The following MARCHF4 variants were observed in gnomAD, a reference collection of about 807,000 sequenced individuals.
MARCHF4 encodes the protein E3 ubiquitin-protein ligase MARCHF4.
In MARCHF4, 14 loss-of-function variants were observed where a neutral mutation model predicts 43.9. The observed-to-expected ratio is 0.32, with a 90% CI of 0.21 to 0.50. MARCHF4 has a LOEUF of 0.50. Among genes scored for constraint, MARCHF4 ranks in the 20% least tolerant of loss-of-function variants. The pLI, the probability that MARCHF4 is intolerant of heterozygous loss-of-function variation, is 0.98. For missense variants in MARCHF4, 468 were observed against 536.7 expected, an observed-to-expected ratio of 0.87 and a Z score of 1.27; for synonymous variants, 226 against 213.3, an observed-to-expected ratio of 1.06 and a Z score of -0.52.
chr2:216,355,340 G>C (rs1559106824), intron 1 of MARCHF4, among the ~76,000 whole-genome samples: 1 of 152,058 alleles, frequency 6.6e-6, no homozygotes, highest in Non-Finnish European at 1.5e-5. Flanking sequence ...ACATATAAAA[G>C]TAGAGAGAAA....
In MARCHF4 at chr2:216,259,210, C is replaced by T. The variant is rs1690700040; in HGVS notation, c.*102G>A. ...CAGGGCTCCCGCCAGGTCCCCCACC[C>T]TCTGCCTGCTCCCTCTGTTGGCTCT... On this transcript the variant is annotated 3_prime_UTR_variant, in exon 4 of 4. Transcript: ENST00000273067. 7 of 1,480,538 alleles carry T rather than the reference C, an allele frequency of 4.7e-6. No homozygotes were observed. The highest frequency in any genetic ancestry group is 3.6e-6 in the Non-Finnish European group (4 of 1,119,520). 91.7% of individuals were successfully genotyped at this position (1,480,538 alleles called of 1,614,324 possible). A position where few individuals can be genotyped will look rare whatever the true frequency, so the allele number is the denominator to read the frequency against.
chr2:216,312,933 A>G (rs756198955), intron 1 of MARCHF4, among the ~76,000 whole-genome samples: 1 of 151,750 alleles, frequency 6.6e-6, no homozygotes. Flanking sequence ...TGCTTTTGGG[A>G]TCTTCATTGT....
intron 2 of MARCHF4, among the ~76,000 whole-genome samples, chr2:216,278,695 G>A (rs1478565679): frequency 3.9e-5 from 6 of 152,196 alleles, no homozygotes; most frequent in Non-Finnish European, 4.4e-5. Flanking sequence ...ACGAGAGAAT[G>A]AGATGTGGGG....
intron 1 of MARCHF4, among the ~76,000 whole-genome samples, chr2:216,356,667 CT>C (rs371467064): frequency 6.8e-4 from 103 of 152,266 alleles, no homozygotes; most frequent in Middle Eastern, 6.8e-3. Flanking sequence ...AGCCTCTTCC[CT>C]TTTAAGTTAT....
chr2:216,324,868 G>A (rs1405607688), intron 1 of MARCHF4, among the ~76,000 whole-genome samples: 1 of 143,712 alleles, frequency 7.0e-6, no homozygotes. Context: ...ATACTGAATG[G>A]GCAAAAACTG....
intron 3 of MARCHF4, among the ~76,000 whole-genome samples, chr2:216,272,372 T>C (rs1452265012): frequency 6.6e-6 from 1 of 152,114 alleles, no homozygotes; most frequent in Non-Finnish European, 1.5e-5. Flanking sequence ...ACCCTGAATA[T>C]AGGACAGGAG....
chr2:216,290,521 G>A (rs1163291535), intron 1 of MARCHF4, among the ~76,000 whole-genome samples: 1 of 152,216 alleles, frequency 6.6e-6, no homozygotes, highest in East Asian at 1.9e-4. Flanking sequence ...GCATTTGTGA[G>A]TGAGATGGGC....
chr2:216,286,321 T>G (rs189625843), intron 1 of MARCHF4, among the ~76,000 whole-genome samples: 40 of 152,176 alleles, frequency 2.6e-4, no homozygotes, highest in African/African-American at 8.7e-4. Flanking sequence ...GGTGAATCAC[T>G]TGAGGTCAGG....
intron 1 of MARCHF4, 143 bp downstream of exon 1, chr2:216,369,602 A>G (rs967672630): frequency 1.4e-5 from 9 of 655,452 alleles, no homozygotes; most frequent in African/African-American, 7.4e-5. Context: ...AAACTTAACC[A>G]CAAGAAACAT....
At chr2:216,320,152 CATT>C (rs1691856315) in intron 1 of MARCHF4, among the ~76,000 whole-genome samples, 1 of 152,166 alleles carries the variant, frequency 6.6e-6, no homozygotes, top group Non-Finnish European at 1.5e-5. Context: ...ATAAGGGACT[CATT>C]ATTAAACAAA....
chr2:216,279,019 G>C (rs207809), intron 2 of MARCHF4, among the ~76,000 whole-genome samples: 1 of 152,130 alleles, frequency 6.6e-6, no homozygotes, highest in African/African-American at 2.4e-5. Context: ...AACAGACAAG[G>C]TGCCTGCCCC....
intron 1 of MARCHF4, among the ~76,000 whole-genome samples, chr2:216,294,458 T>C (rs1691359294): frequency 6.6e-6 from 1 of 152,232 alleles, no homozygotes; most frequent in Non-Finnish European, 1.5e-5. Context: ...ATGTTCCGGA[T>C]CATGGCCCCA....
At position 216,309,748 on chromosome 2, in the gene MARCHF4, TGAAAATA is replaced by T. The variant is rs796125876; in HGVS notation, c.517-26026_517-26020del. On this transcript the variant is annotated intron_variant, in intron 1 of 3. Transcript: ENST00000273067. Reference sequence around the variant, plus strand: ...AGACCCAGCTACACAGACCAAGGGATGAAAATAGAAAGAGAGGCCTCAGCTGTAACCA... The same window carrying T: ...AGACCCAGCTACACAGACCAAGGGATGAAAGAGAGGCCTCAGCTGTAACCA... Among the ~76,000 whole-genome samples the T allele has an allele frequency of 6.6e-5, 10 of 152,348 alleles. 1 individual carries two copies. The highest frequency in any genetic ancestry group is 2.4e-4 in the African/African-American group (10 of 41,592).
At chr2:216,357,953 C>T (rs533099028) in intron 1 of MARCHF4, among the ~76,000 whole-genome samples, 5 of 152,050 alleles carry the variant, frequency 3.3e-5, no homozygotes, top group South Asian at 2.1e-4. Flanking sequence ...GTCAGCAGCC[C>T]GCAATCATAC....
chr2:216,273,451 TG>T (rs1467892778), intron 3 of MARCHF4, among the ~76,000 whole-genome samples: 2 of 152,342 alleles, frequency 1.3e-5, no homozygotes, highest in South Asian at 4.1e-4. Flanking sequence ...TTATCTCAGG[TG>T]CTGAATTGCT....
chr2:216,281,946 A>C (rs1442310968), intron 2 of MARCHF4, among the ~76,000 whole-genome samples: 1 of 152,070 alleles, frequency 6.6e-6, no homozygotes, highest in African/African-American at 2.4e-5. Flanking sequence ...ATGCATTTTC[A>C]CTTTATGAGC....
At chr2:216,304,379 T>C (rs1366657715) in intron 1 of MARCHF4, among the ~76,000 whole-genome samples, 1 of 152,168 alleles carries the variant, frequency 6.6e-6, no homozygotes, top group Non-Finnish European at 1.5e-5. Context: ...AGGATATGAA[T>C]ACCCAGGGAT....
intron 1 of MARCHF4, among the ~76,000 whole-genome samples, chr2:216,354,543 C>T (rs2105980851): frequency 6.6e-6 from 1 of 152,296 alleles, no homozygotes; most frequent in African/African-American, 2.4e-5. Context: ...GCACTAGACT[C>T]CAAGCTCTCC....
intron 1 of MARCHF4, among the ~76,000 whole-genome samples, chr2:216,322,685 G>A (rs1043157264): frequency 2.6e-5 from 4 of 152,282 alleles, no homozygotes; most frequent in Middle Eastern, 3.4e-3. Flanking sequence ...AGCCGGGTGC[G>A]GTGGTGGGTG....
Sources: allele counts gnomAD v4.1 joint callset (sites outside exome capture counted in the v4.1 genomes callset), GRCh38; gene constraint gnomAD v4.1.1; transcripts MANE v1.5; gene names NCBI Gene and HGNC (gene_info 2026-07-23, HGNC 2026-07-21).